Variants in TENM3 observed in about 807,000 individuals in gnomAD.
The protein encoded by TENM3 is teneurin transmembrane protein 3.
A neutral mutation model predicts 255.1 loss-of-function variants in TENM3; 63 were observed. The ratio of observed to expected loss-of-function variants is 0.25; its 90% CI spans 0.20 to 0.30. The LOEUF (loss-of-function observed/expected upper bound fraction) is 0.30. Ranked by LOEUF, TENM3 falls within the 10% of genes least tolerant of loss-of-function variation. The probability of loss-of-function intolerance (pLI) is 1.00; values close to 1 mark genes in which losing one functional copy is unlikely to be tolerated. For synonymous variants in TENM3, 1,306 were observed against 1,322.3 expected, an observed-to-expected ratio of 0.99 and a Z score of 0.27; for missense variants, 2,929 against 3,461.1, an observed-to-expected ratio of 0.85 and a Z score of 3.86.
At chr4:181,691,695 C>T in the TENM3 span, among the ~76,000 whole-genome samples, 1 of 151,962 alleles carries the variant, frequency 6.6e-6, no homozygotes, top group Non-Finnish European at 1.5e-5. Context: ...TGTGATCAAC[C>T]AATACATTCT....
the TENM3 span, among the ~76,000 whole-genome samples, chr4:181,633,795 T>G: frequency 6.6e-6 from 1 of 152,326 alleles, no homozygotes; most frequent in South Asian, 2.1e-4. Flanking sequence ...ACACGGGACA[T>G]AAATTTGGTT....
At chr4:182,512,797 A>C (rs1737553142) in intron 3 of TENM3, among the ~76,000 whole-genome samples, 2 of 152,176 alleles carry the variant, frequency 1.3e-5, no homozygotes, top group South Asian at 4.1e-4. Flanking sequence ...AACATGAAAC[A>C]ATCTAACCTC....
At chr4:182,212,140 A>T (rs868759001) in intron 1 of TENM3, among the ~76,000 whole-genome samples, 1 of 152,206 alleles carries the variant, frequency 6.6e-6, no homozygotes, top group African/African-American at 2.4e-5. Flanking sequence ...ATGCATAGGG[A>T]TTCCATTATC....
chr4:181,954,141 C>T, the TENM3 span, among the ~76,000 whole-genome samples: 1 of 152,158 alleles, frequency 6.6e-6, no homozygotes, highest in Non-Finnish European at 1.5e-5. Context: ...CCATTGAATA[C>T]ACCTACTATA....
At chr4:182,156,624 A>G (rs1375225274) in intron 1 of TENM3, among the ~76,000 whole-genome samples, 3 of 151,600 alleles carry the variant, frequency 2.0e-5, no homozygotes, top group Admixed American at 2.0e-4. Context: ...AAACCCCATT[A>G]AAATATATAT....
intron 3 of TENM3, among the ~76,000 whole-genome samples, chr4:182,400,363 A>G (rs1287416192): frequency 6.6e-6 from 1 of 152,208 alleles, no homozygotes; most frequent in African/African-American, 2.4e-5. Flanking sequence ...CCTGGGATCA[A>G]TTACTGTAAC....
At chr4:181,844,505 A>G in the TENM3 span, among the ~76,000 whole-genome samples, 21 of 151,962 alleles carry the variant, frequency 1.4e-4, no homozygotes, top group African/African-American at 4.8e-4. Flanking sequence ...CGTCTCTACT[A>G]AAAATGCAAA....
At chr4:182,173,717 G>C (rs924650833) in intron 1 of TENM3, among the ~76,000 whole-genome samples, 7 of 152,160 alleles carry the variant, frequency 4.6e-5, no homozygotes, top group African/African-American at 1.4e-4. Context: ...ACTGGGGTTG[G>C]AAATGAGTCC....
chr4:181,744,976 A>G, the TENM3 span, among the ~76,000 whole-genome samples: 6 of 152,196 alleles, frequency 3.9e-5, no homozygotes. Flanking sequence ...AGTCTACTTT[A>G]GATATTGGTC....
intron 1 of TENM3, among the ~76,000 whole-genome samples, chr4:182,167,866 G>A (rs915752549): frequency 4.6e-5 from 7 of 152,044 alleles, no homozygotes; most frequent in Non-Finnish European, 7.4e-5. Context: ...CCTGGGTGAC[G>A]GAGTCAGACC....
chr4:181,584,053 C>T, the TENM3 span, among the ~76,000 whole-genome samples: 3 of 152,172 alleles, frequency 2.0e-5, no homozygotes, highest in African/African-American at 7.2e-5. Context: ...CTCCTGTTTG[C>T]CTTTCAATAT....
chr4:181,839,417 C>A, the TENM3 span, among the ~76,000 whole-genome samples: 2 of 122,934 alleles, frequency 1.6e-5, no homozygotes, highest in Non-Finnish European at 3.4e-5. Context: ...ACATGTATGC[C>A]TATATACATA....
At chr4:181,472,785 T>A in the TENM3 span, among the ~76,000 whole-genome samples, 2 of 152,228 alleles carry the variant, frequency 1.3e-5, no homozygotes, top group African/African-American at 4.8e-5. Context: ...CCTGCCGGGT[T>A]AAACCTGGGC....
intron 3 of TENM3, among the ~76,000 whole-genome samples, chr4:182,533,053 C>T (rs987889533): frequency 2.6e-5 from 4 of 152,160 alleles, no homozygotes; most frequent in Non-Finnish European, 4.4e-5. Context: ...TTATGCCTCC[C>T]TAAGTGCTTG....
the TENM3 span, among the ~76,000 whole-genome samples, chr4:181,670,417 A>C: frequency 6.6e-6 from 1 of 152,210 alleles, no homozygotes; most frequent in African/African-American, 2.4e-5. Context: ...CCTCGAAATG[A>C]TCTACAGCAC....
At chr4:182,284,700 A>G (rs997562816) in intron 1 of TENM3, among the ~76,000 whole-genome samples, 2 of 152,126 alleles carry the variant, frequency 1.3e-5, no homozygotes, top group African/African-American at 4.8e-5. Flanking sequence ...AGTAGTTGGG[A>G]AGGGAAAAAA....
At chr4:181,837,400 C>T in the TENM3 span, among the ~76,000 whole-genome samples, 21 of 152,120 alleles carry the variant, frequency 1.4e-4, no homozygotes, top group African/African-American at 4.8e-4. Context: ...ATGAATATTA[C>T]ATTTTATCAC....
intron 3 of TENM3, among the ~76,000 whole-genome samples, chr4:182,360,163 G>A (rs1442949228): frequency 1.7e-4 from 23 of 139,214 alleles, no homozygotes; most frequent in Admixed American, 1.6e-3. Context: ...TTTTGGAATA[G>A]GTGTGGTGTG....
the TENM3 span, among the ~76,000 whole-genome samples, chr4:181,728,491 G>C: frequency 1.2e-4 from 19 of 152,194 alleles, no homozygotes; most frequent in African/African-American, 4.6e-4. Flanking sequence ...GGAACTGAGG[G>C]TCCCTCCCCT....
Sources: gnomAD v4.1 joint callset for allele counts (sites outside exome capture counted in the v4.1 genomes callset) on GRCh38, gnomAD v4.1.1 for gene constraint, MANE v1.5 for transcripts, NCBI Gene and HGNC (gene_info 2026-07-23, HGNC 2026-07-21) for gene names.